The following SMYD2 variants were observed in gnomAD, a reference collection of about 807,000 sequenced individuals.
SMYD2 encodes SET and MYND domain containing 2, also known as N-lysine methyltransferase SMYD2.
In SMYD2, 53 loss-of-function variants were observed where a neutral mutation model predicts 59.1. The observed-to-expected ratio is 0.90, with a 90% CI of 0.72 to 1.13. The LOEUF (loss-of-function observed/expected upper bound fraction) is 1.13. Ranked by LOEUF, SMYD2 falls within the 50% of genes most tolerant of loss-of-function variation. The pLI, the probability that SMYD2 is intolerant of heterozygous loss-of-function variation, is 0.00. For missense variants in SMYD2, 494 were observed against 544.7 expected (o/e 0.91, Z 0.93); for synonymous variants, 208 against 198.8 (o/e 1.05, Z -0.39).
intron 6 of SMYD2, among the ~76,000 whole-genome samples, chr1:214,326,011 G>A (rs773612514): frequency 2.0e-5 from 3 of 151,860 alleles, no homozygotes; most frequent in African/African-American, 4.8e-5. Context: ...AGGCCGAAGC[G>A]GGCAGATCAC....
At chr1:214,290,179 A>G (rs1397461443) in intron 1 of SMYD2, among the ~76,000 whole-genome samples, 2 of 152,256 alleles carry the variant, frequency 1.3e-5, no homozygotes, top group Non-Finnish European at 2.9e-5. Flanking sequence ...ACTTCTCTGA[A>G]GGACAGAAAT....
At chr1:214,306,824 G>C (rs1363528587) in intron 2 of SMYD2, among the ~76,000 whole-genome samples, 1 of 152,208 alleles carries the variant, frequency 6.6e-6, no homozygotes, top group Non-Finnish European at 1.5e-5. Flanking sequence ...AGTAGCAGGA[G>C]GCCATGGTCC....
At chr1:214,306,719 T>C (rs1476528604) in intron 2 of SMYD2, among the ~76,000 whole-genome samples, 2 of 152,210 alleles carry the variant, frequency 1.3e-5, no homozygotes, top group African/African-American at 4.8e-5. Context: ...GCTGTTTCTA[T>C]ATGTAAGTTA....
Position 214,331,022 on chromosome 1 carries a change from T to TA in SMYD2, c.890dup (p.Tyr297Ter). Residue 297 changes from tyrosine (Y) to a stop codon, truncating the protein, a stop_gained and frameshift_variant, in exon 9 of 12, where the codon TAT becomes TAAT. Coordinates refer to ENST00000366957, the MANE Select transcript of SMYD2 (RefSeq NM_020197.3). LOFTEE classifies it high-confidence loss of function. ...KAEAIRDMVR[Y>*]ARNVIEEFRR... Reference sequence around the variant, plus strand: ...AGAAGCCATCCGAGACATGGTCAGATATGCACGCAACGTCATTGAAGAGTT... The same window carrying TA: ...AGAAGCCATCCGAGACATGGTCAGATAATGCACGCAACGTCATTGAAGAGTT... 1 of 1,614,210 alleles carries TA rather than the reference T, an allele frequency of 6.2e-7. No individual in the cohort carries two copies. The highest frequency in any genetic ancestry group is 8.5e-7 in the Non-Finnish European group (1 of 1,180,036).
chr1:214,281,446 CGGCGGCGGGCGGGAGCCGGG>C lies in SMYD2; in HGVS notation c.173+24_173+43del. ...TCACCAGGTAGGGCGGCGGCGGCGG[CGGCGGCGGGCGGGAGCCGGG>C]GGCGCCGAGCGGGAGGCTTGGACGG... On this transcript the variant is annotated intron_variant, in intron 1 of 11. Transcript: ENST00000366957. The C allele has an allele frequency of 7.3e-7, 1 of 1,375,428 alleles. No homozygotes were observed. Among genetic ancestry groups the C allele is most frequent in the Non-Finnish European group, 9.4e-7 (1 of 1,059,444 alleles). 85.2% of individuals were successfully genotyped at this position (1,375,428 alleles called of 1,614,324 possible). A position where few individuals can be genotyped will look rare whatever the true frequency, so the allele number is the denominator to read the frequency against.
At chr1:214,297,970 A>C (rs555524363) in intron 1 of SMYD2, among the ~76,000 whole-genome samples, 1 of 152,344 alleles carries the variant, frequency 6.6e-6, no homozygotes, top group South Asian at 2.1e-4. Context: ...TAATATGTCC[A>C]TACTGCCCAA....
chr1:214,336,101 A>T (rs1657431056), intron 11 of SMYD2, among the ~76,000 whole-genome samples: 1 of 152,176 alleles, frequency 6.6e-6, no homozygotes, highest in Non-Finnish European at 1.5e-5. Context: ...TTACTGAAAG[A>T]TCTAGAATCT....
chr1:214,305,297 C>G, intron 2 of SMYD2, 47 bp downstream of exon 2: 1 of 1,533,240 alleles, frequency 6.5e-7, no homozygotes, highest in Non-Finnish European at 9.0e-7. Context: ...CCTCTGAAGT[C>G]CTCCTCTTCC....
chr1:214,284,254 G>GTTTTTTTTTTTTTTTTTT (rs34049644), intron 1 of SMYD2, among the ~76,000 whole-genome samples: 2 of 90,364 alleles, frequency 2.2e-5, no homozygotes, highest in Non-Finnish European at 4.0e-5. Context: ...TTTTGGTGTG[G>GTTTTTTTTTTTTTTTTTT]TTTTTTTTTT....
At chr1:214,307,258 C>T (rs1656930164) in intron 2 of SMYD2, among the ~76,000 whole-genome samples, 1 of 152,214 alleles carries the variant, frequency 6.6e-6, no homozygotes, top group African/African-American at 2.4e-5. Context: ...TGGTGCCCAC[C>T]TTGATGAGTT....
At position 214,330,160 on chromosome 1, in the gene SMYD2, C is replaced by A. The variant is rs576442951; in HGVS notation, c.706-8C>A. On this transcript the variant is annotated splice_polypyrimidine_tract_variant and splice_region_variant and intron_variant, in intron 7 of 11. Coordinates refer to ENST00000366957, the MANE Select transcript of SMYD2 (RefSeq NM_020197.3). ...CAGACTGAAGCTTTATCTTTTTGGA[C>A]CCCGTAGGTTTTTACCAGCTATATT... 367 of 1,578,112 alleles carry A rather than the reference C, an allele frequency of 2.3e-4. 5 individuals carry two copies. In the South Asian group the frequency reaches 3.9e-3, roughly 17 times the overall value.
Position 214,281,189 on chromosome 1 carries a change from T to A in SMYD2, c.-66T>A. 2 of 1,131,986 alleles carry A rather than the reference T, an allele frequency of 1.8e-6. No individual in the cohort carries two copies. The highest frequency in any genetic ancestry group is 2.2e-6 in the Non-Finnish European group (2 of 905,406). 70.1% of individuals were successfully genotyped at this position (1,131,986 alleles called of 1,614,324 possible). A position where few individuals can be genotyped will look rare whatever the true frequency, so the allele number is the denominator to read the frequency against. ...GCCCCCCGCAGCTCTAGGTGACGCG[T>A]CTCCAATAACAGCTCGCCGGGAGCC... On this transcript the variant is annotated 5_prime_UTR_variant, in exon 1 of 12. Transcript: ENST00000366957.
chr1:214,327,796 C>CTGT (rs1291989893), intron 7 of SMYD2, 72 bp downstream of exon 7: 2 of 1,276,440 alleles, frequency 1.6e-6, no homozygotes, highest in African/African-American at 2.9e-5. Flanking sequence ...GTGGACAGAT[C>CTGT]TGTGCAGTGT....
rs1657012868 is a variant in SMYD2 at position 214,312,514 on chromosome 1, T to G, written c.238-2248T>G. Among the ~76,000 whole-genome samples the G allele has an allele frequency of 6.6e-6, 1 of 152,208 alleles. No homozygotes were observed. The highest frequency in any genetic ancestry group is 1.5e-5 in the Non-Finnish European group (1 of 68,032). On this transcript the variant is annotated intron_variant, in intron 2 of 11. Coordinates refer to ENST00000366957, the MANE Select transcript of SMYD2 (RefSeq NM_020197.3). The surrounding 1 kb of genome is among the most constrained non-coding windows in gnomAD (Gnocchi z 4.1). ...AAGGAAAGGAAGAATGATGGGGAAG[T>G]GCTCTTTCTGACAGGGTGATTGTGG... is the stretch of plus-strand genomic sequence containing the variant.
At chr1:214,309,233 A>G (rs570841672) in intron 2 of SMYD2, among the ~76,000 whole-genome samples, 7 of 152,340 alleles carry the variant, frequency 4.6e-5, no homozygotes, top group Non-Finnish European at 1.0e-4. Flanking sequence ...AATGCATGAA[A>G]GGGTAATGGG....
At chr1:214,327,816 G>C (rs1433339612) in intron 7 of SMYD2, 92 bp downstream of exon 7, 14 of 1,099,130 alleles carry the variant, frequency 1.3e-5, no homozygotes, top group Non-Finnish European at 1.7e-5. Flanking sequence ...TCACTTGACA[G>C]TATGAGTTGT....
At chr1:214,314,412 A>G (rs932381022) in intron 2 of SMYD2, among the ~76,000 whole-genome samples, 7 of 152,202 alleles carry the variant, frequency 4.6e-5, no homozygotes, top group African/African-American at 1.7e-4. Context: ...TCAATGGCTG[A>G]TACTCAAATT....
rs750939377 is a variant in SMYD2 at position 214,336,821 on chromosome 1, G to A, written c.*37G>A. The A allele has an allele frequency of 6.4e-7, 1 of 1,558,430 alleles. No individual in the cohort carries two copies. The highest frequency in any genetic ancestry group is 8.8e-7 in the Non-Finnish European group (1 of 1,135,880). On this transcript the variant is annotated 3_prime_UTR_variant, in exon 12 of 12. Transcript: ENST00000366957. The stretch of plus-strand genomic sequence containing the variant: ...ATTTCAGTTTTCATTTAAACACTTA[G>A]TTCAGAAACCTTAAAGGATTTGAAT...
intron 5 of SMYD2, among the ~76,000 whole-genome samples, chr1:214,323,466 CTG>C (rs1657204800): frequency 1.3e-5 from 2 of 152,128 alleles, no homozygotes; most frequent in South Asian, 4.2e-4. Flanking sequence ...GAGTCTCACA[CTG>C]TCGTCCAGGC....
Sources: allele counts gnomAD v4.1 joint callset (sites outside exome capture counted in the v4.1 genomes callset), GRCh38; gene constraint gnomAD v4.1.1; non-coding constraint Gnocchi (gnomAD v3.1); transcripts MANE v1.5; gene names NCBI Gene and HGNC (gene_info 2026-07-23, HGNC 2026-07-21).